The following HIBADH variants were observed in gnomAD, a reference collection of about 807,000 sequenced individuals.
HIBADH encodes the protein 3-hydroxyisobutyrate dehydrogenase, mitochondrial.
Under a neutral mutation model 36.1 loss-of-function variants are expected in HIBADH, and 25 were observed. That is an observed-to-expected ratio of 0.69 (90% CI 0.50 to 0.97). The LOEUF is 0.97. HIBADH is among the 50% of genes least tolerant of loss of function. The pLI, the probability that HIBADH is intolerant of heterozygous loss-of-function variation, is 0.00. For synonymous variants in HIBADH, 160 were observed against 149.5 expected, an observed-to-expected ratio of 1.07 and a Z score of -0.51; for missense variants, 421 against 418.0, an observed-to-expected ratio of 1.01 and a Z score of -0.06.
rs950645386 is a variant in HIBADH, at chr7:27,526,159, G to A, written c.*55C>T. The A allele has an allele frequency of 5.5e-6, 8 of 1,467,182 alleles. No homozygotes were observed. The highest frequency in any genetic ancestry group is 6.4e-6 in the Non-Finnish European group (7 of 1,100,728). 90.9% of individuals were successfully genotyped at this position (1,467,182 alleles called of 1,614,324 possible). A position where few individuals can be genotyped will look rare whatever the true frequency, so the allele number is the denominator to read the frequency against. The stretch of plus-strand genomic sequence containing the variant: ...CATTTACTTGTGGAGTGAGCTAAAA[G>A]GAGGCTCCAAGACAGAGTTTGGTTC... On this transcript the variant is annotated 3_prime_UTR_variant, in exon 8 of 8. Coordinates refer to ENST00000265395, the MANE Select transcript of HIBADH (RefSeq NM_152740.4).
At chr7:27,568,417 T>A (rs1784579232) in intron 4 of HIBADH, among the ~76,000 whole-genome samples, 1 of 152,150 alleles carries the variant, frequency 6.6e-6, no homozygotes, top group African/African-American at 2.4e-5. Flanking sequence ...ATGCATCATT[T>A]TTTTTTCTAG....
At chr7:27,545,457 T>C (rs1851913) in intron 4 of HIBADH, among the ~76,000 whole-genome samples, 115,889 of 152,064 alleles carry the variant, frequency 0.76, 44,650 homozygotes, top group East Asian at 0.94. Flanking sequence ...ACAAAAAGAC[T>C]GAAATTATCC....
intron 4 of HIBADH, among the ~76,000 whole-genome samples, chr7:27,605,522 G>A (rs1204485905): frequency 1.6e-5 from 2 of 124,882 alleles, no homozygotes; most frequent in African/African-American, 3.1e-5. Flanking sequence ...GGTGGGGGGC[G>A]GGGATTTGAA....
rs959154687 is a variant in HIBADH at position 27,525,805 on chromosome 7, T to C, written c.*409A>G. 13 of 152,604 alleles carry C rather than the reference T, an allele frequency of 8.5e-5. No individual in the cohort carries two copies. The highest frequency in any genetic ancestry group is 8.5e-4 in the Admixed American group (13 of 15,302). The allele number at this position is 152,604 out of a possible 1,614,324, so 9.5% of individuals were successfully genotyped here. ...TGGACACAGATAGTAATTCACTGCA[T>C]TTCCCTTCTCTAACTTCTCTCTTCA... On this transcript the variant is annotated 3_prime_UTR_variant, in exon 8 of 8. Transcript: ENST00000265395.
At position 27,639,591 on chromosome 7, in the gene HIBADH, G is replaced by T. The variant is rs537855231; in HGVS notation, c.253-7146C>A. Among the ~76,000 whole-genome samples the T allele has an allele frequency of 2.0e-4, 31 of 152,194 alleles. No individual in the cohort carries two copies. In the South Asian group the frequency reaches 6.4e-3, roughly 32 times the overall value. ...TGCACAATTACCTCCGAACCTAAAA[G>T]TTAAAAAACATCAACTGCAAGCTTC... is the stretch of plus-strand genomic sequence containing the variant. On this transcript the variant is annotated intron_variant, in intron 2 of 7. Transcript: ENST00000265395.
intron 2 of HIBADH, among the ~76,000 whole-genome samples, chr7:27,642,330 TTTC>T: frequency 6.6e-6 from 1 of 152,334 alleles, no homozygotes; most frequent in South Asian, 2.1e-4. Context: ...TGCTTATTTT[TTTC>T]TTCCTCAAAA....
At chr7:27,539,349 T>C (rs17680908) in intron 5 of HIBADH, among the ~76,000 whole-genome samples, 14,385 of 152,130 alleles carry the variant, frequency 0.095, 959 homozygotes, top group Non-Finnish European at 0.14. Flanking sequence ...GTAATAGAGC[T>C]TGGAGACTGA....
At chr7:27,623,626 C>T (rs1035994865) in intron 4 of HIBADH, among the ~76,000 whole-genome samples, 1 of 151,972 alleles carries the variant, frequency 6.6e-6, no homozygotes, top group African/African-American at 2.4e-5. Context: ...CCGAGAAGAA[C>T]ATCAAGAAAG....
intron 4 of HIBADH, among the ~76,000 whole-genome samples, chr7:27,604,346 T>TA (rs1785182759): frequency 6.6e-6 from 1 of 152,086 alleles, no homozygotes; most frequent in South Asian, 2.1e-4. Context: ...ATAAAATTGA[T>TA]ATGCTGAGCC....
chr7:27,660,946 T>G (rs1786404558), intron 1 of HIBADH, among the ~76,000 whole-genome samples: 1 of 152,156 alleles, frequency 6.6e-6, no homozygotes, highest in East Asian at 1.9e-4. Context: ...CAAGGGTTCA[T>G]TAAAATACCA....
At chr7:27,539,718 A>T (rs1194401073) in intron 5 of HIBADH, among the ~76,000 whole-genome samples, 1 of 152,180 alleles carries the variant, frequency 6.6e-6, no homozygotes, top group African/African-American at 2.4e-5. Flanking sequence ...AAACCCATGT[A>T]TAACTTTTGA....
intron 2 of HIBADH, among the ~76,000 whole-genome samples, chr7:27,638,322 A>AAAAAAAAAAAAAAAAAAAAAAAAAC (rs1785888792): frequency 6.7e-6 from 1 of 148,690 alleles, no homozygotes; most frequent in Non-Finnish European, 1.5e-5. Flanking sequence ...AAAAAAAAAA[A>AAAAAAAAAAAAAAAAAAAAAAAAAC]AAAAAAAACA....
chr7:27,652,691 T>C (rs1422014313), intron 1 of HIBADH, among the ~76,000 whole-genome samples: 1 of 152,226 alleles, frequency 6.6e-6, no homozygotes, highest in African/African-American at 2.4e-5. Context: ...ATTTTCTCAC[T>C]GTATCCTCAC....
chr7:27,587,676 T>C (rs1784885022), intron 4 of HIBADH, among the ~76,000 whole-genome samples: 1 of 152,160 alleles, frequency 6.6e-6, no homozygotes, highest in Non-Finnish European at 1.5e-5. Context: ...ACCGCTACAA[T>C]TAGGAGGTTT....
At chr7:27,574,492 C>T (rs10951172) in intron 4 of HIBADH, among the ~76,000 whole-genome samples, 115,947 of 152,058 alleles carry the variant, frequency 0.76, 44,707 homozygotes, top group East Asian at 0.94. Context: ...ATTCCAAACT[C>T]CAAACAGGTA....
At chr7:27,638,326 A>AAC (rs1785889819) in intron 2 of HIBADH, among the ~76,000 whole-genome samples, 1 of 137,888 alleles carries the variant, frequency 7.3e-6, no homozygotes, top group African/African-American at 2.6e-5. Context: ...AAAAAAAAAA[A>AAC]AAAACAAGCA....
Position 27,543,415 on chromosome 7 carries a change from A to G in HIBADH, c.485-315T>C, listed in dbSNP as rs111832309. Among the ~76,000 whole-genome samples, 17 of 152,278 alleles carry G rather than the reference A, an allele frequency of 1.1e-4. 1 individual carries two copies. The highest frequency in any genetic ancestry group is 4.1e-4 in the African/African-American group (17 of 41,562). The stretch of plus-strand genomic sequence containing the variant: ...TAAATGTTATTATTCCCATGCATCT[A>G]TTATTCTCCTAAGAAACCTACTAAG... On this transcript the variant is annotated intron_variant, in intron 4 of 7. Coordinates refer to ENST00000265395, the MANE Select transcript of HIBADH (RefSeq NM_152740.4).
chr7:27,658,656 G>C lies in HIBADH; in HGVS notation c.91+4042C>G, dbSNP rs1036919185. On this transcript the variant is annotated intron_variant, in intron 1 of 7. Coordinates refer to ENST00000265395, the MANE Select transcript of HIBADH (RefSeq NM_152740.4). ...AGAATGAAAAAGTATACAGTTGTAA[G>C]GGGAAGCAATCTCATTACACAAAAA... Among the ~76,000 whole-genome samples, 3 of 152,110 alleles carry C rather than the reference G, an allele frequency of 2.0e-5. No individual in the cohort carries two copies. The East Asian group carries it at 5.8e-4, about 29-fold the overall frequency.
At chr7:27,598,545 A>C (rs190582435) in intron 4 of HIBADH, among the ~76,000 whole-genome samples, 3 of 152,324 alleles carry the variant, frequency 2.0e-5, no homozygotes, top group Admixed American at 2.0e-4. Context: ...TTTGAATACT[A>C]TGATTCCATT....
Sources: allele counts gnomAD v4.1 joint callset (sites outside exome capture counted in the v4.1 genomes callset), GRCh38; gene constraint gnomAD v4.1.1; transcripts MANE v1.5; gene names NCBI Gene and HGNC (gene_info 2026-07-23, HGNC 2026-07-21).